The following CDK15 variants were observed in gnomAD, a reference collection of about 807,000 sequenced individuals.
CDK15 encodes the protein cyclin-dependent kinase 15.
In CDK15, 62 loss-of-function variants were observed where a neutral mutation model predicts 60.3. That is an observed-to-expected ratio of 1.03 (90% CI 0.84 to 1.27). CDK15 has a LOEUF of 1.27. CDK15 is among the 50% of genes most tolerant of loss of function. The pLI, the probability that CDK15 is intolerant of heterozygous loss-of-function variation, is 0.00. For synonymous variants in CDK15, 194 were observed against 195.7 expected (o/e 0.99, Z 0.07); for missense variants, 541 against 527.8 (o/e 1.03, Z -0.25).
intron 6 of CDK15, among the ~76,000 whole-genome samples, chr2:201,825,658 G>A (rs1201469467): frequency 6.6e-6 from 1 of 152,048 alleles, no homozygotes; most frequent in East Asian, 1.9e-4. Context: ...TTTTTTTTAT[G>A]GTAATGCTTG....
At chr2:201,856,588 C>G (rs1698153265) in intron 10 of CDK15, among the ~76,000 whole-genome samples, 1 of 152,178 alleles carries the variant, frequency 6.6e-6, no homozygotes, top group African/African-American at 2.4e-5. Context: ...CAAATTGCTC[C>G]TATCTCCAGT....
intron 8 of CDK15, among the ~76,000 whole-genome samples, chr2:201,844,315 G>A (rs188276712): frequency 1.3e-5 from 2 of 152,324 alleles, no homozygotes; most frequent in East Asian, 3.9e-4. Flanking sequence ...ATGGGGGGCA[G>A]GGTGGAGACC....
chr2:201,881,766 C>T (rs573104336), intron 12 of CDK15, among the ~76,000 whole-genome samples: 14 of 152,222 alleles, frequency 9.2e-5, no homozygotes, highest in Admixed American at 5.2e-4. Context: ...CATTCCTCCC[C>T]GGCCACTCCC....
intron 12 of CDK15, among the ~76,000 whole-genome samples, chr2:201,880,460 G>A (rs16838353): frequency 0.018 from 2,786 of 152,310 alleles, 85 homozygotes; most frequent in African/African-American, 0.064. Context: ...AATTGGATGA[G>A]ATGGACGTTG....
intron 13 of CDK15, among the ~76,000 whole-genome samples, chr2:201,892,926 G>GA (rs1292058785): frequency 1.3e-5 from 2 of 152,144 alleles, no homozygotes; most frequent in Non-Finnish European, 2.9e-5. Flanking sequence ...TTCAGGCAGG[G>GA]AAAAAATGTG....
chr2:201,890,193 A>G (rs1300912659), intron 12 of CDK15, among the ~76,000 whole-genome samples: 1 of 152,084 alleles, frequency 6.6e-6, no homozygotes, highest in Non-Finnish European at 1.5e-5. Context: ...ACTCCTTGAC[A>G]TGATATTAGT....
chr2:201,878,591 C>G (rs1319688776), intron 11 of CDK15, among the ~76,000 whole-genome samples: 1 of 152,164 alleles, frequency 6.6e-6, no homozygotes, highest in Non-Finnish European at 1.5e-5. Flanking sequence ...GATTTAGGTA[C>G]TTAATTATCT....
At chr2:201,849,207 A>G (rs1697799148) in intron 9 of CDK15, among the ~76,000 whole-genome samples, 1 of 152,252 alleles carries the variant, frequency 6.6e-6, no homozygotes, top group Non-Finnish European at 1.5e-5. Flanking sequence ...AGAATTCCAT[A>G]AAAACAAATG....
At chr2:201,827,403 C>A (rs1296746048) in intron 6 of CDK15, among the ~76,000 whole-genome samples, 1 of 152,188 alleles carries the variant, frequency 6.6e-6, no homozygotes, top group Non-Finnish European at 1.5e-5. Context: ...CATGATCACA[C>A]AACTGCACTC....
At position 201,874,546 on chromosome 2, in the gene CDK15, G is replaced by A. The variant is rs112642388; in HGVS notation, c.1058+2220G>A. Among the ~76,000 whole-genome samples, 438 of 152,244 alleles carry A rather than the reference G, an allele frequency of 2.9e-3. 1 individual carries two copies. Among genetic ancestry groups the A allele is most frequent in the African/African-American group, 0.01 (426 of 41,514 alleles). The stretch of plus-strand genomic sequence containing the variant: ...TAAGTGGTAGAGCCAGGATTCATCC[G>A]GTACCCAGGTCTCTGTGGATTTGGC... On this transcript the variant is annotated intron_variant, in intron 11 of 13. Transcript: ENST00000652192.
At chr2:201,816,461 T>G (rs894055182) in intron 4 of CDK15, among the ~76,000 whole-genome samples, 88 of 146,026 alleles carry the variant, frequency 6.0e-4, no homozygotes, top group Non-Finnish European at 1.0e-3. Flanking sequence ...AATGGTTTTT[T>G]TTTTTTTTTT....
upstream of CDK15, chr2:201,806,468 T>G: frequency 6.6e-6 from 3 of 453,978 alleles, no homozygotes; most frequent in East Asian, 1.1e-4. Context: ...ATGCAAGCAA[T>G]CCCTGTCTGA....
intron 12 of CDK15, among the ~76,000 whole-genome samples, chr2:201,883,782 G>A (rs1699362651): frequency 1.3e-5 from 2 of 152,194 alleles, no homozygotes; most frequent in South Asian, 4.1e-4. Context: ...TGGTCCTCGT[G>A]GCTGAGCCAG....
In CDK15 at chr2:201,851,148, C is replaced by T. The variant is rs575530046; in HGVS notation, c.945+3674C>T. Among the ~76,000 whole-genome samples the T allele has an allele frequency of 6.6e-5, 10 of 151,700 alleles. No individual in the cohort carries two copies. The East Asian group carries it at 9.7e-4, about 15-fold the overall frequency. On this transcript the variant is annotated intron_variant, in intron 9 of 13. Coordinates refer to ENST00000652192, the MANE Select transcript of CDK15 (RefSeq NM_001366386.2). ...CTCTACTAAAAATACAAAAACTAGC[C>T]GAACGTGGTGGTGTGCACCTGTAGT...
intron 8 of CDK15, among the ~76,000 whole-genome samples, chr2:201,844,637 C>T (rs1384587884): frequency 6.6e-6 from 1 of 152,078 alleles, no homozygotes; most frequent in Non-Finnish European, 1.5e-5. Flanking sequence ...CAAGATGTTT[C>T]TTATACAGCA....
chr2:201,854,007 A>G (rs543293450), intron 9 of CDK15, among the ~76,000 whole-genome samples: 1 of 152,036 alleles, frequency 6.6e-6, no homozygotes, highest in African/African-American at 2.4e-5. Context: ...TAAAAATACA[A>G]CAACAACAAC....
At chr2:201,855,425 A>G (rs1698102794) in intron 10 of CDK15, among the ~76,000 whole-genome samples, 1 of 152,208 alleles carries the variant, frequency 6.6e-6, no homozygotes, top group African/African-American at 2.4e-5. Flanking sequence ...TGTAAACCTG[A>G]CACTTGGTCA....
intron 13 of CDK15, 109 bp downstream of exon 13, chr2:201,891,036 GTTC>G: frequency 3.4e-6 from 2 of 590,118 alleles, no homozygotes; most frequent in South Asian, 2.4e-5. Context: ...GCTGTTTCTA[GTTC>G]TTCTTCGCCA....
chr2:201,833,744 G>C, intron 6 of CDK15, 104 bp from the exon 7 acceptor site: 1 of 652,234 alleles, frequency 1.5e-6, no homozygotes, highest in Non-Finnish European at 2.2e-6. Context: ...GGTCTCTCAA[G>C]AGACACTTTT....
Sources: gnomAD v4.1 joint callset for allele counts (sites outside exome capture counted in the v4.1 genomes callset) on GRCh38, gnomAD v4.1.1 for gene constraint, MANE v1.5 for transcripts, NCBI Gene and HGNC (gene_info 2026-07-23, HGNC 2026-07-21) for gene names.